The following PLCD3 variants were observed in gnomAD, a reference collection of about 807,000 sequenced individuals.
The protein encoded by PLCD3 is 1-phosphatidylinositol 4,5-bisphosphate phosphodiesterase delta-3.
A neutral mutation model predicts 82.8 loss-of-function variants in PLCD3; 62 were observed. That is an observed-to-expected ratio of 0.75 (90% confidence interval 0.61 to 0.93). The LOEUF (loss-of-function observed/expected upper bound fraction) is 0.93, where lower values mean the gene tolerates loss of function less well. Among genes scored for constraint, PLCD3 ranks in the 40% least tolerant of loss-of-function variants. The probability of loss-of-function intolerance (pLI) is 0.00; values close to 1 mark genes in which losing one functional copy is unlikely to be tolerated. For synonymous variants in PLCD3, 478 were observed against 471.8 expected, an observed-to-expected ratio of 1.01 and a Z score of -0.17; for missense variants, 1,023 against 1,103.4, an observed-to-expected ratio of 0.93 and a Z score of 1.03.
At position 45,132,238 on chromosome 17, in the gene PLCD3, C is replaced by A. The variant is rs760794046; in HGVS notation, c.163+10G>T. 11 of 1,269,130 alleles carry A rather than the reference C, an allele frequency of 8.7e-6. No individual in the cohort carries two copies. The highest frequency in any genetic ancestry group is 3.0e-5 in the East Asian group (1 of 33,880). The allele number at this position is 1,269,130 out of a possible 1,614,324, so 78.6% of individuals were successfully genotyped here. A position where few individuals can be genotyped will look rare whatever the true frequency, so the allele number is the denominator to read the frequency against. ...CGCGCCCACCCCACCGCCCCTTGCC[C>A]GTCACTGACCCATCTTCTTCAGCGC... On this transcript the variant is annotated intron_variant, in intron 1 of 14. Coordinates refer to ENST00000619929, the MANE Select transcript of PLCD3 (RefSeq NM_133373.5). This position sits in a 1 kb window ranked among gnomAD's most constrained non-coding sequence, Gnocchi z 4.6.
chr17:45,113,357 C>T, intron 12 of PLCD3, 82 bp downstream of exon 12: 1 of 1,551,438 alleles, frequency 6.4e-7, no homozygotes, highest in Non-Finnish European at 8.7e-7. Flanking sequence ...TGTCCCCAGC[C>T]TCCCTTGCCT....
In PLCD3 at chr17:45,120,434, T is replaced by G; in HGVS notation, c.575A>C (p.His192Pro). The change falls in exon 4 of 15, where the codon CAC becomes CCC. Residue 192 changes from histidine to proline, a missense_variant. Transcript: ENST00000619929. ...GCTGTCCTGGTTGGAGTCAGCCCGGTGCAGATAGGAGTGGATCCAGGTGTG... is the reference window on the plus strand; with the variant it reads ...GCTGTCCTGGTTGGAGTCAGCCCGGGGCAGATAGGAGTGGATCCAGGTGTG... ...RLDHWIHSYL[H>P]RADSNQDSKM... 2 of 1,613,968 alleles carry G rather than the reference T, an allele frequency of 1.2e-6. No individual in the cohort carries two copies. Among genetic ancestry groups the G allele is most frequent in the Non-Finnish European group, 1.7e-6 (2 of 1,179,848 alleles).
chr17:45,123,895 T>C (rs1208901002), intron 1 of PLCD3, among the ~76,000 whole-genome samples: 15 of 147,808 alleles, frequency 1.0e-4, no homozygotes, highest in African/African-American at 3.8e-4. Flanking sequence ...AGTGGAACCC[T>C]CCTCTTTCCA....
chr17:45,120,189 G>C lies in PLCD3; in HGVS notation c.684+136C>G, dbSNP rs2054324704. ...CTAACTAACCCCAGATGTTGCCTTT[G>C]TGCAGGGAAAGGCTGCTCGCTCCAA... On this transcript the variant is annotated intron_variant, in intron 4 of 14. Coordinates refer to ENST00000619929, the MANE Select transcript of PLCD3 (RefSeq NM_133373.5). The C allele has an allele frequency of 5.7e-6, 7 of 1,225,864 alleles. No homozygotes were observed. In the South Asian group the frequency reaches 1.0e-4, roughly 18 times the overall value. 75.9% of individuals were successfully genotyped at this position (1,225,864 alleles called of 1,614,324 possible).
chr17:45,120,936 GGC>G lies in PLCD3; in HGVS notation c.518_519del (p.Arg173ProfsTer22). Reference sequence around the variant, plus strand: ...CGCTCGCGCTGGCTCATGGCGTCCAGGCGCGCGCGGAGCTTGGTCAGACCGCG... The same window carrying G: ...CGCTCGCGCTGGCTCATGGCGTCCAGGCGCGCGGAGCTTGGTCAGACCGCG... ...WVRGLTKLRA[R>X]LDAMSQRERL... is the part of the protein sequence containing the mutation. On this transcript the variant is annotated frameshift_variant, in exon 3 of 15. Coordinates refer to ENST00000619929, the MANE Select transcript of PLCD3 (RefSeq NM_133373.5). LOFTEE classifies it high-confidence loss of function. 1 of 1,474,182 alleles carries G rather than the reference GGC, an allele frequency of 6.8e-7. No individual in the cohort carries two copies. Among genetic ancestry groups the G allele is most frequent in the Non-Finnish European group, 8.9e-7 (1 of 1,119,672 alleles). The allele number at this position is 1,474,182 out of a possible 1,614,324, so 91.3% of individuals were successfully genotyped here.
chr17:45,120,899 T>TATTG lies in PLCD3; in HGVS notation c.553_554+2dup, dbSNP rs1218298191. ...GCCCTCCCTCCCAGCCCCGGCAGGA[T>TATTG]ATTGGTCTAGCCGCTCGCGCTGGCT... On this transcript the variant is annotated splice_region_variant and intron_variant, in intron 3 of 14. Coordinates refer to ENST00000619929, the MANE Select transcript of PLCD3 (RefSeq NM_133373.5). The TATTG allele has an allele frequency of 2.8e-6, 4 of 1,425,030 alleles. No homozygotes were observed. In the East Asian group the frequency reaches 1.1e-4, roughly 39 times the overall value. The allele number at this position is 1,425,030 out of a possible 1,614,324, so 88.3% of individuals were successfully genotyped here.
In PLCD3 at chr17:45,118,836, TC is replaced by T; in HGVS notation, c.891del (p.Thr298ProfsTer13). 6.2e-7 allele frequency: 1 copy of T among 1,610,002 alleles called. No homozygotes were observed. Among genetic ancestry groups the T allele is most frequent in the Non-Finnish European group, 8.5e-7 (1 of 1,178,930 alleles). ...CCACCTGTCTCGTTGAGCTCATAGG[TC>T]TGAATGAGCTGCTGGGCGCGGGCCA... ...ATLARAQQLI[Q>X]TYELNETAKQ... On this transcript the variant is annotated frameshift_variant, in exon 5 of 15. Transcript: ENST00000619929. LOFTEE classifies it high-confidence loss of function. This position sits in a 1 kb window ranked among gnomAD's most constrained non-coding sequence, Gnocchi z 4.1.
chr17:45,118,585 T>C lies in PLCD3; in HGVS notation c.914-93A>G. The C allele has an allele frequency of 7.0e-7, 1 of 1,422,084 alleles. No individual in the cohort carries two copies. Among genetic ancestry groups the C allele is most frequent in the East Asian group, 2.3e-5 (1 of 43,500 alleles). The allele number at this position is 1,422,084 out of a possible 1,614,324, so 88.1% of individuals were successfully genotyped here. On this transcript the variant is annotated intron_variant, in intron 5 of 14. Transcript: ENST00000619929. This position sits in a 1 kb window ranked among gnomAD's most constrained non-coding sequence, Gnocchi z 4.1. ...CAAGGCCCACTCAGCTTAGGAATAA[T>C]GACTAGACAATCTACTGACTAGACT... is the stretch of plus-strand genomic sequence containing the variant.
Position 45,132,036 on chromosome 17 carries a change from G to A in PLCD3, c.163+212C>T, listed in dbSNP as rs1464280155. ...CCCCGCGAGCGCCCCCTGGTGGGAA[G>A]CAAAGAACACCCTGGGCGCCCGGCT... is the stretch of plus-strand genomic sequence containing the variant. On this transcript the variant is annotated intron_variant, in intron 1 of 14. Transcript: ENST00000619929. The surrounding 1 kb of genome is among the most constrained non-coding windows in gnomAD (Gnocchi z 4.6). Among the ~76,000 whole-genome samples, 2 of 152,170 alleles carry A rather than the reference G, an allele frequency of 1.3e-5. No individual in the cohort carries two copies. Among genetic ancestry groups the A allele is most frequent in the Non-Finnish European group, 2.9e-5 (2 of 68,006 alleles).
At position 45,112,944 on chromosome 17, in the gene PLCD3, A is replaced by G; in HGVS notation, c.2200T>C (p.Phe734Leu). ...GTGGCGTCATAATCTTCCACCACAA[A>G]CCGGACCAGTGCCAGCTCCGGAGCC... ...LRAPELALVR[F>L]VVEDYDATSP... is the part of the protein sequence containing the mutation. The change falls in exon 14 of 15, where the codon TTT (phenylalanine) becomes CTT (leucine). Residue 734 changes from phenylalanine to leucine, a missense_variant. By Grantham distance (22) the Phe-to-Leu change is conservative. Around this residue, in one of 3 missense-constraint regions of PLCD3, gnomAD observed 553 missense variants for 655.7 expected, o/e 0.84. Transcript: ENST00000619929. 1 of 1,612,798 alleles carries G rather than the reference A, an allele frequency of 6.2e-7. No individual in the cohort carries two copies. The highest frequency in any genetic ancestry group is 1.1e-5 in the South Asian group (1 of 90,854).
At chr17:45,115,593 G>T in intron 8 of PLCD3, 103 bp from the exon 9 acceptor site, 3 of 1,047,412 alleles carry the variant, frequency 2.9e-6, no homozygotes, top group South Asian at 1.5e-5. Context: ...CTGGCTAGGG[G>T]TGGGAGGCAG....
rs559879994 is a variant in PLCD3, at chr17:45,126,419, TCTCAG to T, written c.164-5052_164-5048del. 4.4e-5 allele frequency among the ~76,000 whole-genome samples: 6 copies of T among 135,504 alleles called. No homozygotes were observed. The East Asian group carries it at 1.3e-3, about 30-fold the overall frequency. The allele number at this position is 135,504 out of a possible 152,430, so 88.9% of individuals were successfully genotyped here. A position where few individuals can be genotyped will look rare whatever the true frequency, so the allele number is the denominator to read the frequency against. On this transcript the variant is annotated intron_variant, in intron 1 of 14. Coordinates refer to ENST00000619929, the MANE Select transcript of PLCD3 (RefSeq NM_133373.5). ...CCCAGGCTGGAGTGCAGTGGCACGATCTCAGCTCACTGCAACCCCCACCTCCCGGG... is the reference window on the plus strand; with the variant it reads ...CCCAGGCTGGAGTGCAGTGGCACGATCTCACTGCAACCCCCACCTCCCGGG...
intron 8 of PLCD3, 59 bp downstream of exon 8, chr17:45,116,573 G>C (rs1204904302): frequency 4.7e-6 from 7 of 1,491,808 alleles, no homozygotes; most frequent in Non-Finnish European, 5.4e-6. Flanking sequence ...CGAGCAGTGC[G>C]GGGAGGCGGA....
intron 1 of PLCD3, among the ~76,000 whole-genome samples, chr17:45,122,025 C>T (rs1490143144): frequency 6.6e-6 from 1 of 151,982 alleles, no homozygotes; most frequent in Non-Finnish European, 1.5e-5. Flanking sequence ...CCTTCAAGTC[C>T]AGAATTTGCC....
intron 1 of PLCD3, among the ~76,000 whole-genome samples, chr17:45,122,218 G>A (rs954996317): frequency 6.6e-6 from 1 of 152,058 alleles, no homozygotes; most frequent in Non-Finnish European, 1.5e-5. Flanking sequence ...GCCCTGCCCA[G>A]CTGATCTCCA....
chr17:45,131,114 G>A (rs73984332), intron 1 of PLCD3, among the ~76,000 whole-genome samples: 70 of 152,350 alleles, frequency 4.6e-4, no homozygotes, highest in African/African-American at 1.7e-3. Flanking sequence ...GGATGGCAGG[G>A]TAGAGATGGT....
Position 45,110,242 on chromosome 17 carries a change from G to C in PLCD3, c.*2374C>G, listed in dbSNP as rs369481096. On this transcript the variant is annotated 3_prime_UTR_variant, in exon 15 of 15. Transcript: ENST00000619929. Reference sequence around the variant, plus strand: ...GTGGATCACCTGAGGTCAGGAGTTCGAGACCAGCCTGGCCAACATGGTGAA... The same window carrying C: ...GTGGATCACCTGAGGTCAGGAGTTCCAGACCAGCCTGGCCAACATGGTGAA... 1 of 151,548 alleles carries C rather than the reference G, an allele frequency of 6.6e-6. No individual in the cohort carries two copies. The highest frequency in any genetic ancestry group is 2.0e-4 in the East Asian group (1 of 5,120). 9.4% of individuals were successfully genotyped at this position (151,548 alleles called of 1,614,324 possible).
At chr17:45,117,953 G>T in intron 7 of PLCD3, 41 bp downstream of exon 7, 1 of 1,608,236 alleles carries the variant, frequency 6.2e-7, no homozygotes, top group East Asian at 2.2e-5. Flanking sequence ...GAGGTCATTG[G>T]GAAGGCTGTG....
intron 8 of PLCD3, among the ~76,000 whole-genome samples, chr17:45,116,291 C>T (rs767051846): frequency 1.2e-4 from 18 of 152,076 alleles, no homozygotes; most frequent in Non-Finnish European, 2.2e-4. Flanking sequence ...TGTGGATGGC[C>T]GAGAAGGGAC....
Sources: gnomAD v4.1 joint callset for allele counts (sites outside exome capture counted in the v4.1 genomes callset) on GRCh38, gnomAD v4.1.1 for gene constraint, gnomAD v4.1.1 regional missense constraint, Gnocchi (gnomAD v3.1) non-coding constraint, MANE v1.5 for transcripts, NCBI Gene and HGNC (gene_info 2026-07-23, HGNC 2026-07-21) for gene names.